Variants in CEP350 observed in about 807,000 individuals in gnomAD.
CEP350 encodes the protein centrosomal protein 350.
Under a neutral mutation model 331.8 loss-of-function variants are expected in CEP350, and 126 were observed. The observed-to-expected ratio is 0.38, with a 90% CI of 0.33 to 0.44. The LOEUF (loss-of-function observed/expected upper bound fraction) is 0.44. Ranked by LOEUF, CEP350 falls within the 20% of genes least tolerant of loss-of-function variation. CEP350 has a pLI of 1.00. For missense variants in CEP350, 3,406 were observed against 3,634.6 expected, an observed-to-expected ratio of 0.94 and a Z score of 1.62; for synonymous variants, 1,200 against 1,259.5, an observed-to-expected ratio of 0.95 and a Z score of 1.00.
At chr1:179,963,234 T>C (rs1054570819) in intron 1 of CEP350, among the ~76,000 whole-genome samples, 2 of 152,156 alleles carry the variant, frequency 1.3e-5, no homozygotes, top group African/African-American at 2.4e-5. Flanking sequence ...ATGTACAGTT[T>C]GCAAATATTT....
intron 3 of CEP350, among the ~76,000 whole-genome samples, chr1:179,988,322 CAG>C (rs1192257038): frequency 6.7e-6 from 1 of 150,290 alleles, no homozygotes; most frequent in Non-Finnish European, 1.5e-5. Context: ...AAATTTAAAA[CAG>C]AGGATGAAGG....
intron 4 of CEP350, among the ~76,000 whole-genome samples, 193 bp downstream of exon 4, chr1:179,990,814 C>T (rs1558082827): frequency 1.3e-5 from 2 of 152,134 alleles, no homozygotes; most frequent in African/African-American, 2.4e-5. Context: ...ATCTTGGACT[C>T]CTTTTAAAGT....
In CEP350 at chr1:179,968,443, T is replaced by A. The variant is rs187108930; in HGVS notation, c.-14+13301T>A. 3.9e-5 allele frequency among the ~76,000 whole-genome samples: 6 copies of A among 152,302 alleles called. No homozygotes were observed. The East Asian group carries it at 7.7e-4, about 20-fold the overall frequency. On this transcript the variant is annotated intron_variant, in intron 1 of 37. Transcript: ENST00000367607. ...GGGGTAAAGAGAATTGATAACATTC[T>A]GTGGATGGATTCATAAAGAGGAAGC...
chr1:180,037,045 T>G lies in CEP350; in HGVS notation c.4066T>G (p.Ser1356Ala). The G allele has an allele frequency of 6.2e-7, 1 of 1,605,792 alleles. No individual in the cohort carries two copies. The highest frequency in any genetic ancestry group is 8.5e-7 in the Non-Finnish European group (1 of 1,175,956). The change falls in exon 17 of 38, where the codon TCA becomes GCA. Residue 1356 changes from serine (S) to alanine (A), a missense_variant. Ser to Ala is a moderately conservative substitution (Grantham distance 99, BLOSUM62 1). This residue lies in a region of CEP350 where 1,857 missense variants were observed against 1,909.2 expected (regional missense o/e 0.97). Coordinates refer to ENST00000367607, the MANE Select transcript of CEP350 (RefSeq NM_014810.5). ...AGATGTAGAAAGAGTTAGAGGCATT[T>G]CACTTGCTCAGCAGGAGAGTGTGTC... ...LSDVERVRGI[S>A]LAQQESVSLA...
intron 5 of CEP350, among the ~76,000 whole-genome samples, chr1:179,993,150 G>A (rs1194726306): frequency 4.6e-5 from 7 of 151,466 alleles, no homozygotes; most frequent in Non-Finnish European, 1.0e-4. Context: ...ATATAAATCT[G>A]GGAGTTATCA....
At chr1:180,105,634 T>A (rs1347929378) in intron 37 of CEP350, among the ~76,000 whole-genome samples, 3 of 152,232 alleles carry the variant, frequency 2.0e-5, no homozygotes, top group Non-Finnish European at 4.4e-5. Flanking sequence ...TTTATTTAAA[T>A]GATCCTCTGA....
intron 8 of CEP350, among the ~76,000 whole-genome samples, chr1:180,010,412 T>TTG (rs1654555869): frequency 6.6e-6 from 1 of 151,250 alleles, no homozygotes; most frequent in Admixed American, 6.6e-5. Flanking sequence ...TGCTTTTTTT[T>TTG]TTTTTTTTTT....
chr1:180,006,708 A>G (rs1323717170), intron 8 of CEP350, 141 bp downstream of exon 8: 2 of 586,582 alleles, frequency 3.4e-6, no homozygotes, highest in East Asian at 5.7e-5. Context: ...TGCTGTACCC[A>G]TTAACCCGTC....
At chr1:179,980,091 A>G (rs1324409286) in intron 1 of CEP350, among the ~76,000 whole-genome samples, 1 of 152,000 alleles carries the variant, frequency 6.6e-6, no homozygotes, top group East Asian at 1.9e-4. Flanking sequence ...TATTTTGATA[A>G]GGATTGTATT....
chr1:180,073,681 C>A, intron 27 of CEP350: 1 of 801,108 alleles, frequency 1.2e-6, no homozygotes, highest in African/African-American at 1.8e-5. Context: ...TAATGTTCTT[C>A]AGGAAGCATA....
intron 28 of CEP350, 131 bp downstream of exon 28, chr1:180,075,352 C>A: frequency 2.2e-6 from 2 of 927,000 alleles, no homozygotes; most frequent in East Asian, 2.7e-5. Flanking sequence ...TTTGGAAGGC[C>A]AAGGCCAGAG....
Position 180,109,371 on chromosome 1 carries a change from G to A in CEP350, c.9190-1626G>A, listed in dbSNP as rs182449900. On this transcript the variant is annotated intron_variant, in intron 37 of 37. Transcript: ENST00000367607. ...CTGACCTCGTGATCCACCCGTCTCC[G>A]CCTCCCAAAGTGCTAGGATTACAGG... Among the ~76,000 whole-genome samples, 1,178 of 152,120 alleles carry A rather than the reference G, an allele frequency of 7.7e-3. 10 individuals carry two copies. Among genetic ancestry groups the A allele is most frequent in the Non-Finnish European group, 0.014 (958 of 67,988 alleles).
chr1:180,093,642 C>G lies in CEP350; in HGVS notation c.7537C>G (p.Leu2513Val). The G allele has an allele frequency of 6.2e-7, 1 of 1,613,930 alleles. No individual in the cohort carries two copies. The highest frequency in any genetic ancestry group is 8.5e-7 in the Non-Finnish European group (1 of 1,179,862). The change falls in exon 34 of 38, where the codon CTT (leucine) becomes GTT (valine). Residue 2513 changes from leucine to valine, a missense_variant. By Grantham distance (32) the Leu-to-Val change is conservative. This residue lies in a region of CEP350 where 1,415 missense variants were observed against 1,512.3 expected (regional missense o/e 0.94). Transcript: ENST00000367607. ...GATTGGAAATGTTCAGCCAGGAATTCTTCGATTCAAAGGTGAGACTAGTTT... is the reference window on the plus strand; with the variant it reads ...GATTGGAAATGTTCAGCCAGGAATTGTTCGATTCAAAGGTGAGACTAGTTT... ...VLIGNVQPGI[L>V]RFKGETSFAK...
At chr1:179,966,682 C>T (rs1571783144) in intron 1 of CEP350, among the ~76,000 whole-genome samples, 1 of 152,148 alleles carries the variant, frequency 6.6e-6, no homozygotes, top group African/African-American at 2.4e-5. Context: ...CTAAACCAGC[C>T]AGACATATGA....
At chr1:180,027,479 G>A (rs932530487) in intron 14 of CEP350, among the ~76,000 whole-genome samples, 4 of 152,022 alleles carry the variant, frequency 2.6e-5, no homozygotes, top group African/African-American at 9.7e-5. Flanking sequence ...TCAACATCCT[G>A]GGCTCCATCA....
At chr1:180,027,799 A>G (rs1052480874) in intron 14 of CEP350, among the ~76,000 whole-genome samples, 11 of 152,126 alleles carry the variant, frequency 7.2e-5, no homozygotes, top group Admixed American at 6.5e-4. Flanking sequence ...ATCCTTGTAA[A>G]TACACCTTTA....
rs749498235 is a variant in CEP350 at position 180,065,247 on chromosome 1, A to G, written c.5542A>G (p.Lys1848Glu). 4.0e-5 allele frequency: 64 copies of G among 1,611,554 alleles called. No individual in the cohort carries two copies. The highest frequency in any genetic ancestry group is 5.2e-5 in the Non-Finnish European group (61 of 1,179,338). The change falls in exon 27 of 38, where the codon AAA becomes GAA. Residue 1848 changes from lysine (K) to glutamate (E), a missense_variant. Lys to Glu is a moderately conservative substitution (Grantham distance 56). This residue lies in a region of CEP350 where 1,415 missense variants were observed against 1,512.3 expected (regional missense o/e 0.94). Transcript: ENST00000367607. ...ETSSIMQKLK[K>E]MRSRMDEKFL... ...TAGCAGCATTATGCAGAAACTGAAG[A>G]AAATGAGAAGCCGCATGGATGAAAA...
intron 31 of CEP350, chr1:180,087,054 A>G (rs1307009201): frequency 6.6e-6 from 1 of 152,254 alleles, no homozygotes; most frequent in Non-Finnish European, 1.5e-5. Flanking sequence ...ATTATAAATT[A>G]GTAAAGTTTT....
chr1:180,022,863 C>A lies in CEP350; in HGVS notation c.3386+15C>A. The A allele has an allele frequency of 1.3e-6, 2 of 1,563,804 alleles. No individual in the cohort carries two copies. Among genetic ancestry groups the A allele is most frequent in the South Asian group, 2.4e-5 (2 of 84,742 alleles). On this transcript the variant is annotated intron_variant, in intron 13 of 37. Coordinates refer to ENST00000367607, the MANE Select transcript of CEP350 (RefSeq NM_014810.5). ...CTTGAACCTCAGTAAGATATATTGG[C>A]AATATGGAATAAACTCTGAAGAGTG...
Sources: allele counts gnomAD v4.1 joint callset (sites outside exome capture counted in the v4.1 genomes callset), GRCh38; gene constraint gnomAD v4.1.1; regional missense constraint gnomAD v4.1.1; transcripts MANE v1.5; gene names NCBI Gene and HGNC (gene_info 2026-07-23, HGNC 2026-07-21).